The following DENND1A variants were observed in gnomAD, a reference collection of about 807,000 sequenced individuals.
The protein encoded by DENND1A is DENN domain-containing protein 1A.
DENND1A carries 51 observed loss-of-function variants against 113.7 expected under a neutral mutation model. The observed-to-expected ratio is 0.45, with a 90% CI of 0.36 to 0.57. The LOEUF (loss-of-function observed/expected upper bound fraction) is 0.57. Ranked by LOEUF, DENND1A falls within the 20% of genes least tolerant of loss-of-function variation. The probability of loss-of-function intolerance (pLI) is 0.00; values close to 1 mark genes in which losing one functional copy is unlikely to be tolerated. For missense variants in DENND1A, 1,258 were observed against 1,395.9 expected, an observed-to-expected ratio of 0.90 and a Z score of 1.57; for synonymous variants, 565 against 570.8, an observed-to-expected ratio of 0.99 and a Z score of 0.14.
In DENND1A at chr9:123,827,783, G is replaced by T. The variant is rs551410567; in HGVS notation, c.89-35153C>A. ...TGAGATGGGTAAAAAGGAAATAGAT[G>T]AATCCTCAGAGACTAAGCCCATCTT... is the stretch of plus-strand genomic sequence containing the variant. On this transcript the variant is annotated intron_variant, in intron 2 of 23. Coordinates refer to ENST00000394215, the MANE Select transcript of DENND1A (RefSeq NM_001352964.2). 2.4e-4 allele frequency among the ~76,000 whole-genome samples: 37 copies of T among 152,218 alleles called. No individual in the cohort carries two copies. In the South Asian group the frequency reaches 7.7e-3, roughly 32 times the overall value.
chr9:123,815,907 C>T (rs189369720), intron 2 of DENND1A, among the ~76,000 whole-genome samples: 17 of 150,984 alleles, frequency 1.1e-4, no homozygotes, highest in Admixed American at 5.9e-4. Flanking sequence ...AGAAAACTTA[C>T]AGCTACATGT....
chr9:123,895,963 T>C (rs773923992), intron 1 of DENND1A, among the ~76,000 whole-genome samples: 1 of 151,868 alleles, frequency 6.6e-6, no homozygotes, highest in African/African-American at 2.4e-5. Flanking sequence ...AAAGGGAAAT[T>C]TTTCCACCAG....
chr9:123,901,779 T>G (rs901976611), intron 1 of DENND1A, among the ~76,000 whole-genome samples: 1 of 151,868 alleles, frequency 6.6e-6, no homozygotes, highest in African/African-American at 2.4e-5. Context: ...CTGAGGCGGG[T>G]GGATCACGAG....
At chr9:123,444,819 G>A (rs1021142234) in intron 18 of DENND1A, among the ~76,000 whole-genome samples, 2 of 152,162 alleles carry the variant, frequency 1.3e-5, no homozygotes, top group Admixed American at 1.3e-4. Context: ...GAAAAAACCT[G>A]ACCTTCTAAA....
chr9:123,605,255 C>T (rs1010333395), intron 11 of DENND1A, among the ~76,000 whole-genome samples: 32 of 152,088 alleles, frequency 2.1e-4, no homozygotes, highest in African/African-American at 6.8e-4. Flanking sequence ...GGATGCATCC[C>T]TCATGTCACT....
At chr9:123,597,164 T>C (rs186734292) in intron 11 of DENND1A, among the ~76,000 whole-genome samples, 3 of 152,296 alleles carry the variant, frequency 2.0e-5, no homozygotes, top group African/African-American at 7.2e-5. Flanking sequence ...GACTCCCATC[T>C]CCACCTGCCT....
intron 11 of DENND1A, among the ~76,000 whole-genome samples, chr9:123,584,063 C>G (rs752879083): frequency 2.0e-5 from 3 of 152,168 alleles, no homozygotes; most frequent in African/African-American, 7.2e-5. Context: ...ACTATTTATC[C>G]GCTACTAAGA....
chr9:123,610,397 A>G (rs1022274375), intron 10 of DENND1A, among the ~76,000 whole-genome samples: 4 of 152,236 alleles, frequency 2.6e-5, no homozygotes, highest in Non-Finnish European at 4.4e-5. Context: ...TAAAGAGGTT[A>G]GTTAAATCAC....
At chr9:123,792,758 G>A (rs1480384878) in intron 2 of DENND1A, 128 bp from the exon 3 acceptor site, 2 of 954,976 alleles carry the variant, frequency 2.1e-6, no homozygotes, top group Non-Finnish European at 3.1e-6. Flanking sequence ...AGCTGAGGCT[G>A]CTATGTTGAT....
In DENND1A at chr9:123,879,155, G is replaced by C. The variant is rs867142426; in HGVS notation, c.18-134C>G. 14 of 772,112 alleles carry C rather than the reference G, an allele frequency of 1.8e-5. No individual in the cohort carries two copies. The Middle Eastern group carries it at 1.8e-3, about 99-fold the overall frequency. 47.8% of individuals were successfully genotyped at this position (772,112 alleles called of 1,614,324 possible). A position where few individuals can be genotyped will look rare whatever the true frequency, so the allele number is the denominator to read the frequency against. On this transcript the variant is annotated intron_variant, in intron 1 of 23. Transcript: ENST00000394215. Reference sequence around the variant, plus strand: ...TTAATGGCCGTGGAACTTTGGACAAGCTACACTATTTCTCTGAGACCATGC... The same window carrying C: ...TTAATGGCCGTGGAACTTTGGACAACCTACACTATTTCTCTGAGACCATGC...
chr9:123,907,358 G>A (rs1300028621), intron 1 of DENND1A, among the ~76,000 whole-genome samples: 1 of 151,858 alleles, frequency 6.6e-6, no homozygotes, highest in East Asian at 1.9e-4. Context: ...GTTCTGGCCA[G>A]GGCAATTAGG....
At chr9:123,905,513 T>C (rs1852625276) in intron 1 of DENND1A, among the ~76,000 whole-genome samples, 1 of 141,118 alleles carries the variant, frequency 7.1e-6, no homozygotes, top group Non-Finnish European at 1.5e-5. Context: ...TGGAGGAAGA[T>C]CTACCAAGCA....
intron 5 of DENND1A, among the ~76,000 whole-genome samples, chr9:123,717,078 T>G (rs1298901389): frequency 6.6e-6 from 1 of 152,190 alleles, no homozygotes; most frequent in African/African-American, 2.4e-5. Context: ...ACACCGCGCC[T>G]AGGAAACTTA....
chr9:123,540,269 C>T (rs1473898173), intron 13 of DENND1A, among the ~76,000 whole-genome samples: 5 of 152,190 alleles, frequency 3.3e-5, no homozygotes, highest in Non-Finnish European at 7.3e-5. Flanking sequence ...AGGCAGATTA[C>T]ATTTATTCTT....
intron 11 of DENND1A, among the ~76,000 whole-genome samples, chr9:123,603,632 A>T (rs1315304788): frequency 6.6e-6 from 1 of 152,180 alleles, no homozygotes; most frequent in African/African-American, 2.4e-5. Context: ...GGGGCCCCCC[A>T]ACTGGTCCCT....
chr9:123,401,799 A>C (rs1259493030), intron 21 of DENND1A: 1 of 1,614,208 alleles, frequency 6.2e-7, no homozygotes, highest in Admixed American at 1.7e-5. Context: ...CTGGAAAAGC[A>C]ACGGCGTAAG....
chr9:123,423,246 C>T (rs578051170), intron 19 of DENND1A, among the ~76,000 whole-genome samples: 2 of 152,084 alleles, frequency 1.3e-5, no homozygotes, highest in African/African-American at 2.4e-5. Context: ...TACAGGGCTC[C>T]GGTAAGAGTC....
chr9:123,617,597 C>T (rs931946986), intron 10 of DENND1A, among the ~76,000 whole-genome samples: 3 of 152,212 alleles, frequency 2.0e-5, no homozygotes, highest in African/African-American at 7.2e-5. Flanking sequence ...AGGTCAACAT[C>T]AAAGCCTGGG....
chr9:123,573,996 T>C lies in DENND1A; in HGVS notation c.867+9173A>G, dbSNP rs185787270. On this transcript the variant is annotated intron_variant, in intron 12 of 23. Coordinates refer to ENST00000394215, the MANE Select transcript of DENND1A (RefSeq NM_001352964.2). Reference sequence around the variant, plus strand: ...TCCTAAATTTTTTTTTTCATATATCTTGTTATTATTTTCCTTTTCAGTTTA... The same window carrying C: ...TCCTAAATTTTTTTTTTCATATATCCTGTTATTATTTTCCTTTTCAGTTTA... Among the ~76,000 whole-genome samples, 58 of 152,078 alleles carry C rather than the reference T, an allele frequency of 3.8e-4. No individual in the cohort carries two copies. The East Asian group carries it at 0.011, about 29-fold the overall frequency.
Sources: allele counts gnomAD v4.1 joint callset (sites outside exome capture counted in the v4.1 genomes callset), GRCh38; gene constraint gnomAD v4.1.1; transcripts MANE v1.5; gene names NCBI Gene and HGNC (gene_info 2026-07-23, HGNC 2026-07-21).